Variants in SOX6 observed in about 807,000 individuals in gnomAD.
The protein encoded by SOX6 is SRY-box transcription factor 6.
SOX6 carries 11 observed loss-of-function variants against 97.8 expected under a neutral mutation model. The observed-to-expected ratio is 0.11, with a 90% CI of 0.07 to 0.19. The LOEUF (loss-of-function observed/expected upper bound fraction) is 0.19. Ranked by LOEUF, SOX6 falls within the 10% of genes least tolerant of loss-of-function variation. The probability of loss-of-function intolerance (pLI) is 1.00; values close to 1 mark genes in which losing one functional copy is unlikely to be tolerated. For missense variants in SOX6, 810 were observed against 1,039.5 expected, an observed-to-expected ratio of 0.78 and a Z score of 3.04; for synonymous variants, 360 against 371.4, an observed-to-expected ratio of 0.97 and a Z score of 0.35.
chr11:16,067,960 A>T (rs1848132815), intron 9 of SOX6, among the ~76,000 whole-genome samples: 1 of 152,204 alleles, frequency 6.6e-6, no homozygotes, highest in South Asian at 2.1e-4. Context: ...TCTTACCCTT[A>T]TATTTATCCC....
chr11:16,352,011 A>C (rs1856959489), intron 1 of SOX6, among the ~76,000 whole-genome samples: 1 of 152,088 alleles, frequency 6.6e-6, no homozygotes, highest in Non-Finnish European at 1.5e-5. Flanking sequence ...TTATTGAATT[A>C]ATAGGCAGAA....
intron 7 of SOX6, among the ~76,000 whole-genome samples, chr11:16,110,039 C>T (rs1849191253): frequency 6.6e-6 from 1 of 152,080 alleles, no homozygotes; most frequent in South Asian, 2.1e-4. Flanking sequence ...CTCATTAATG[C>T]TGTTAGAGAA....
intron 4 of SOX6, among the ~76,000 whole-genome samples, chr11:16,562,183 C>T (rs1215484548): frequency 1.3e-5 from 2 of 152,082 alleles, no homozygotes; most frequent in East Asian, 1.9e-4. Context: ...GGCAGAAGTA[C>T]TTTTCCCCAT....
At chr11:16,144,803 G>A (rs1189075034) in intron 6 of SOX6, among the ~76,000 whole-genome samples, 1 of 152,090 alleles carries the variant, frequency 6.6e-6, no homozygotes, top group East Asian at 1.9e-4. Flanking sequence ...AAACCCAGAA[G>A]AAGTTGAATC....
intron 4 of SOX6, among the ~76,000 whole-genome samples, chr11:16,556,007 C>T (rs1383162474): frequency 6.6e-6 from 1 of 151,510 alleles, no homozygotes; most frequent in Admixed American, 6.6e-5. Flanking sequence ...AAACAAAAGT[C>T]TGTTTAATTA....
intron 3 of SOX6, among the ~76,000 whole-genome samples, chr11:16,615,778 G>A (rs1449378025): frequency 6.6e-6 from 1 of 152,032 alleles, no homozygotes; most frequent in African/African-American, 2.4e-5. Flanking sequence ...GCTTAAGGCG[G>A]CCAAAACTAA....
intron 3 of SOX6, among the ~76,000 whole-genome samples, chr11:16,296,805 T>G (rs1179949816): frequency 6.6e-6 from 1 of 152,028 alleles, no homozygotes; most frequent in East Asian, 1.9e-4. Context: ...CTTAAAAACC[T>G]TAGAAGTTAG....
At chr11:16,599,155 C>T (rs1028438083) in intron 4 of SOX6, among the ~76,000 whole-genome samples, 5 of 152,220 alleles carry the variant, frequency 3.3e-5, no homozygotes, top group East Asian at 1.9e-4. Context: ...AATAATATCA[C>T]GTTAGGCTTC....
intron 4 of SOX6, among the ~76,000 whole-genome samples, chr11:16,496,817 T>G (rs1451447999): frequency 6.6e-6 from 1 of 152,124 alleles, no homozygotes; most frequent in Non-Finnish European, 1.5e-5. Flanking sequence ...ACAAAGCCAC[T>G]GGGAAGCTCA....
At chr11:16,583,488 T>C (rs927828449) in intron 4 of SOX6, among the ~76,000 whole-genome samples, 5 of 150,938 alleles carry the variant, frequency 3.3e-5, no homozygotes, top group African/African-American at 4.8e-5. Flanking sequence ...TGTCTACTTT[T>C]ATGAGATCAA....
chr11:16,181,444 CA>C, intron 6 of SOX6, among the ~76,000 whole-genome samples: 1 of 151,062 alleles, frequency 6.6e-6, no homozygotes, highest in Non-Finnish European at 1.5e-5. Flanking sequence ...AAGCATCCCT[CA>C]AGTCTCATAT....
chr11:16,729,601 A>T (rs1483069068), intron 2 of SOX6, among the ~76,000 whole-genome samples: 16 of 152,192 alleles, frequency 1.1e-4, no homozygotes, highest in South Asian at 6.2e-4. Flanking sequence ...GAAAGGAACA[A>T]CCGGTACCAG....
chr11:16,169,740 A>C (rs1312700545), intron 6 of SOX6, among the ~76,000 whole-genome samples: 1 of 152,096 alleles, frequency 6.6e-6, no homozygotes, highest in Non-Finnish European at 1.5e-5. Context: ...AATTCCTTCC[A>C]CTTGAGACAG....
At chr11:16,114,779 G>A (rs1302312606) in intron 6 of SOX6, among the ~76,000 whole-genome samples, 2 of 152,066 alleles carry the variant, frequency 1.3e-5, no homozygotes, top group Admixed American at 6.6e-5. Context: ...GCTCTTTGGT[G>A]TTATTTATTT....
intron 4 of SOX6, among the ~76,000 whole-genome samples, chr11:16,497,449 G>A (rs989136809): frequency 3.9e-5 from 6 of 152,092 alleles, no homozygotes; most frequent in South Asian, 2.1e-4. Context: ...CACCAGCAAC[G>A]GAACAAAGCT....
intron 1 of SOX6, among the ~76,000 whole-genome samples, chr11:16,474,385 G>A (rs1056351970): frequency 6.6e-6 from 1 of 152,094 alleles, no homozygotes; most frequent in African/African-American, 2.4e-5. Context: ...GAATTACTAT[G>A]TATGGCAACT....
chr11:16,432,859 C>T (rs1859297119), intron 1 of SOX6, among the ~76,000 whole-genome samples: 1 of 152,046 alleles, frequency 6.6e-6, no homozygotes, highest in South Asian at 2.1e-4. Context: ...TCTTAACAAA[C>T]TATTCTTCTC....
intron 2 of SOX6, among the ~76,000 whole-genome samples, chr11:16,723,031 T>G (rs1163838976): frequency 1.3e-5 from 2 of 152,150 alleles, no homozygotes; most frequent in African/African-American, 4.8e-5. Context: ...CACACAAATT[T>G]TCATTGCAGT....
upstream of SOX6, among the ~76,000 whole-genome samples, chr11:16,357,423 G>T (rs1857102799): frequency 6.6e-6 from 1 of 152,084 alleles, no homozygotes; most frequent in South Asian, 2.1e-4. Flanking sequence ...GATTTACAGA[G>T]CCTATTTCTG....
Sources: allele counts gnomAD v4.1 joint callset (sites outside exome capture counted in the v4.1 genomes callset), GRCh38; gene constraint gnomAD v4.1.1; transcripts MANE v1.5; gene names NCBI Gene and HGNC (gene_info 2026-07-23, HGNC 2026-07-21).